The following SNX2 variants were observed in gnomAD, a reference collection of about 807,000 sequenced individuals.
SNX2 encodes the protein sorting nexin 2.
Under a neutral mutation model 69.9 loss-of-function variants are expected in SNX2, and 25 were observed. The ratio of observed to expected loss-of-function variants is 0.36; its 90% CI spans 0.26 to 0.50. The LOEUF is 0.50. SNX2 is among the 20% of genes least tolerant of loss of function. SNX2 has a pLI of 0.97. For synonymous variants in SNX2, 229 were observed against 200.4 expected, an observed-to-expected ratio of 1.14 and a Z score of -1.20; for missense variants, 551 against 613.3, an observed-to-expected ratio of 0.90 and a Z score of 1.07.
At chr5:122,784,826 A>G (rs1753047256) in intron 1 of SNX2, among the ~76,000 whole-genome samples, 1 of 152,150 alleles carries the variant, frequency 6.6e-6, no homozygotes, top group Non-Finnish European at 1.5e-5. Context: ...TCTTCCCTAA[A>G]TGTTGATAGA....
chr5:122,823,481 G>T (rs1754070314), intron 11 of SNX2, among the ~76,000 whole-genome samples: 1 of 152,116 alleles, frequency 6.6e-6, no homozygotes, highest in Non-Finnish European at 1.5e-5. Context: ...GACCAAATTA[G>T]TTTAGATTTA....
At chr5:122,822,664 T>C (rs1400066379) in intron 11 of SNX2, among the ~76,000 whole-genome samples, 1 of 152,204 alleles carries the variant, frequency 6.6e-6, no homozygotes, top group Admixed American at 6.5e-5. Context: ...AGGAAACGCC[T>C]GTTTTCCTCT....
chr5:122,806,292 A>C (rs1753656629), intron 6 of SNX2, among the ~76,000 whole-genome samples: 1 of 152,126 alleles, frequency 6.6e-6, no homozygotes, highest in South Asian at 2.1e-4. Context: ...CAATTTCTTC[A>C]AAGTATGGTG....
intron 5 of SNX2, 127 bp from the exon 6 acceptor site, chr5:122,803,345 A>G (rs1265060556): frequency 9.9e-6 from 8 of 809,648 alleles, no homozygotes; most frequent in African/African-American, 8.8e-5. Context: ...TATATACCAC[A>G]TTAGTTAGAT....
At chr5:122,817,098 T>G (rs533526081) in intron 9 of SNX2, 70 bp downstream of exon 9, 8 of 1,261,150 alleles carry the variant, frequency 6.3e-6, no homozygotes, top group Non-Finnish European at 9.2e-6. Context: ...TTTAAAGCTG[T>G]ACAAGTGGAA....
chr5:122,795,238 A>C, intron 1 of SNX2, 28 bp from the exon 2 acceptor site: 1 of 1,396,890 alleles, frequency 7.2e-7, no homozygotes, highest in South Asian at 1.2e-5. Flanking sequence ...ATGCCAATCC[A>C]TTACCTATTA....
At chr5:122,806,196 C>A in intron 6 of SNX2, among the ~76,000 whole-genome samples, 1 of 147,164 alleles carries the variant, frequency 6.8e-6, no homozygotes, top group East Asian at 2.0e-4. Context: ...GGATTTCAGG[C>A]AACTACAGAT....
chr5:122,791,189 T>C (rs1229773615), intron 1 of SNX2, among the ~76,000 whole-genome samples: 1 of 150,306 alleles, frequency 6.7e-6, no homozygotes, highest in East Asian at 2.0e-4. Flanking sequence ...GATGGCATGA[T>C]CTTGGCTCAC....
rs1754235961 is a variant in SNX2 at position 122,829,615 on chromosome 5, A to C, written c.1527A>C (p.Glu509Asp). Residue 509 changes from glutamate to aspartate, a missense_variant, in exon 15 of 15, where the codon GAA becomes GAC. Transcript: ENST00000379516. ...ATTCACAGCTGATAAAATACTGGGA[A>C]GCATTCCTACCTGAAGCCAAAGCCA... ...QTQQQLIKYW[E>D]AFLPEAKAIA The C allele has an allele frequency of 1.2e-6, 2 of 1,613,124 alleles. No individual in the cohort carries two copies. The highest frequency in any genetic ancestry group is 1.1e-5 in the South Asian group (1 of 91,070).
At chr5:122,792,913 A>G (rs1392928088) in intron 1 of SNX2, among the ~76,000 whole-genome samples, 2 of 152,252 alleles carry the variant, frequency 1.3e-5, no homozygotes, top group Non-Finnish European at 1.5e-5. Context: ...ATGCAAATTC[A>G]GAACACAATG....
chr5:122,817,444 AAAAT>A, intron 10 of SNX2, 71 bp downstream of exon 10: 2 of 967,382 alleles, frequency 2.1e-6, no homozygotes, highest in Non-Finnish European at 3.0e-6. Flanking sequence ...AAATTTTATG[AAAAT>A]AAATATTCTG....
At chr5:122,820,341 T>A (rs1418790285) in intron 11 of SNX2, among the ~76,000 whole-genome samples, 2 of 152,010 alleles carry the variant, frequency 1.3e-5, no homozygotes, top group East Asian at 3.9e-4. Context: ...ATCAAGACCA[T>A]CCTGGCCAAC....
chr5:122,808,368 A>G lies in SNX2; in HGVS notation c.722+13A>G. The G allele has an allele frequency of 2.6e-6, 4 of 1,557,162 alleles. No individual in the cohort carries two copies. Among genetic ancestry groups the G allele is most frequent in the Non-Finnish European group, 2.6e-6 (3 of 1,135,122 alleles). On this transcript the variant is annotated intron_variant, in intron 7 of 14. Coordinates refer to ENST00000379516, the MANE Select transcript of SNX2 (RefSeq NM_003100.4). ...CAGCTCTTGAAAGGTAATTCTAGACAGCTATATTTTATTACTCTCATGTTT... is the reference window on the plus strand; with the variant it reads ...CAGCTCTTGAAAGGTAATTCTAGACGGCTATATTTTATTACTCTCATGTTT...
At chr5:122,785,992 A>C (rs1298122760) in intron 1 of SNX2, among the ~76,000 whole-genome samples, 1 of 151,968 alleles carries the variant, frequency 6.6e-6, no homozygotes, top group Non-Finnish European at 1.5e-5. Flanking sequence ...GTATATTTTT[A>C]ATTTTTATTT....
chr5:122,823,347 G>T (rs1754067124), intron 11 of SNX2, among the ~76,000 whole-genome samples: 1 of 86,758 alleles, frequency 1.2e-5, no homozygotes, highest in South Asian at 3.2e-4. Flanking sequence ...GTATATTTAA[G>T]ATTAATTTTT....
At chr5:122,791,383 A>G (rs1753234346) in intron 1 of SNX2, among the ~76,000 whole-genome samples, 1 of 151,158 alleles carries the variant, frequency 6.6e-6, no homozygotes, top group African/African-American at 2.4e-5. Flanking sequence ...CCGGGTTCCA[A>G]AGATTCTCCT....
intron 14 of SNX2, among the ~76,000 whole-genome samples, chr5:122,829,309 A>C (rs1311049946): frequency 6.6e-6 from 1 of 151,884 alleles, no homozygotes; most frequent in East Asian, 2.0e-4. Context: ...GGTTCAAGCT[A>C]TTCTTGTACC....
At chr5:122,791,569 A>C (rs954252188) in intron 1 of SNX2, among the ~76,000 whole-genome samples, 3 of 152,240 alleles carry the variant, frequency 2.0e-5, no homozygotes, top group African/African-American at 7.2e-5. Context: ...GGCATGGGCC[A>C]CTGCGCCCAG....
At chr5:122,792,364 C>T (rs576141180) in intron 1 of SNX2, among the ~76,000 whole-genome samples, 10 of 152,094 alleles carry the variant, frequency 6.6e-5, no homozygotes, top group African/African-American at 1.2e-4. Flanking sequence ...GAGGCTGAGG[C>T]GGGTGGATCA....
Sources: allele counts gnomAD v4.1 joint callset (sites outside exome capture counted in the v4.1 genomes callset), GRCh38; gene constraint gnomAD v4.1.1; transcripts MANE v1.5; gene names NCBI Gene and HGNC (gene_info 2026-07-23, HGNC 2026-07-21).